Variants in VPS41 observed in about 807,000 individuals in gnomAD.
VPS41 encodes the protein vacuolar protein sorting-associated protein 41 homolog.
Under a neutral mutation model 130.9 loss-of-function variants are expected in VPS41, and 85 were observed. The observed-to-expected ratio is 0.65, with a 90% CI of 0.55 to 0.78. VPS41 has a LOEUF of 0.78. Ranked by LOEUF, VPS41 falls within the 30% of genes least tolerant of loss-of-function variation. The probability of loss-of-function intolerance (pLI) is 0.00; values close to 1 mark genes in which losing one functional copy is unlikely to be tolerated. For missense variants in VPS41, 874 were observed against 1,018.7 expected, an observed-to-expected ratio of 0.86 and a Z score of 1.93; for synonymous variants, 335 against 332.9, an observed-to-expected ratio of 1.01 and a Z score of -0.07.
At chr7:38,861,536 T>G (rs1465819369) in intron 4 of VPS41, among the ~76,000 whole-genome samples, 2 of 152,218 alleles carry the variant, frequency 1.3e-5, no homozygotes, top group Non-Finnish European at 2.9e-5. Context: ...CCTGTCTGTG[T>G]TGCTCCAAAG....
chr7:38,904,088 C>A (rs566166303), intron 1 of VPS41, among the ~76,000 whole-genome samples: 154 of 152,184 alleles, frequency 1.0e-3, no homozygotes, highest in African/African-American at 3.7e-3. Flanking sequence ...GAATCACAAG[C>A]CATTTTTAAC....
rs143445862 is a variant in VPS41, at chr7:38,881,191, G to T, written c.61-11938C>A. Among the ~76,000 whole-genome samples, 3 of 152,274 alleles carry T rather than the reference G, an allele frequency of 2.0e-5. No homozygotes were observed. The East Asian group carries it at 5.8e-4, about 29-fold the overall frequency. ...CTAAAATCAGGGTGTCAGTAGTGCT[G>T]CCCTCCCCTGGAAGCTGGGGGGAGA... On this transcript the variant is annotated intron_variant, in intron 2 of 28. Transcript: ENST00000310301.
intron 25 of VPS41, among the ~76,000 whole-genome samples, chr7:38,738,446 C>T (rs1167135116): frequency 6.6e-6 from 1 of 151,960 alleles, no homozygotes; most frequent in Non-Finnish European, 1.5e-5. Flanking sequence ...AAATGTTTGT[C>T]AAATAAAACC....
chr7:38,756,309 C>G (rs569057047), intron 19 of VPS41, among the ~76,000 whole-genome samples: 2 of 151,128 alleles, frequency 1.3e-5, no homozygotes, highest in African/African-American at 4.9e-5. Flanking sequence ...CATTAGGGGG[C>G]GTAAATTTAT....
In VPS41 at chr7:38,726,202, T is replaced by C. The variant is rs1795538246; in HGVS notation, c.*44A>G. 1.5e-6 allele frequency: 2 copies of C among 1,358,988 alleles called. No homozygotes were observed. The highest frequency in any genetic ancestry group is 2.9e-5 in the African/African-American group (2 of 69,906). 84.2% of individuals were successfully genotyped at this position (1,358,988 alleles called of 1,614,324 possible). On this transcript the variant is annotated 3_prime_UTR_variant, in exon 29 of 29. Transcript: ENST00000310301. ...AATGCTTTTGTTGTTGCAAAAACAG[T>C]CTCAAAAAGAGTGGTGACAAGGAGA...
intron 21 of VPS41, 40 bp downstream of exon 21, chr7:38,754,662 G>C (rs748433631): frequency 1.3e-6 from 2 of 1,567,448 alleles, no homozygotes; most frequent in East Asian, 4.5e-5. Context: ...TCACCCACTG[G>C]TCAATCAAAA....
chr7:38,746,344 G>A (rs1056365383), intron 22 of VPS41, among the ~76,000 whole-genome samples: 2 of 151,960 alleles, frequency 1.3e-5, no homozygotes, highest in African/African-American at 4.8e-5. Context: ...TCTCTGTGCT[G>A]GGTGCTAGAG....
intron 2 of VPS41, among the ~76,000 whole-genome samples, chr7:38,894,235 T>A (rs779263961): frequency 6.6e-6 from 1 of 152,124 alleles, no homozygotes; most frequent in Non-Finnish European, 1.5e-5. Context: ...TCTCAAAATA[T>A]CGCTCCTGGA....
At chr7:38,762,064 A>T (rs1309375750) in intron 17 of VPS41, among the ~76,000 whole-genome samples, 1 of 152,164 alleles carries the variant, frequency 6.6e-6, no homozygotes, top group East Asian at 1.9e-4. Context: ...CTTCGAACAC[A>T]AAATAAAGAC....
intron 7 of VPS41, among the ~76,000 whole-genome samples, chr7:38,803,775 C>T (rs532635613): frequency 1.3e-5 from 2 of 152,112 alleles, no homozygotes; most frequent in Non-Finnish European, 2.9e-5. Flanking sequence ...GGGTCTTGAA[C>T]CCTGAAGGAG....
chr7:38,828,881 C>A (rs1176106279), intron 5 of VPS41, among the ~76,000 whole-genome samples: 3 of 152,088 alleles, frequency 2.0e-5, no homozygotes, highest in African/African-American at 7.2e-5. Context: ...AATAACAATT[C>A]TTCAACATTT....
At chr7:38,843,643 C>T (rs952035455) in intron 4 of VPS41, among the ~76,000 whole-genome samples, 31 of 151,346 alleles carry the variant, frequency 2.0e-4, no homozygotes, top group Admixed American at 4.6e-4. Context: ...GATAGCACCA[C>T]TGCAGTCCGG....
chr7:38,821,688 C>G (rs1189142581), intron 5 of VPS41, among the ~76,000 whole-genome samples: 3 of 116,950 alleles, frequency 2.6e-5, no homozygotes, highest in Non-Finnish European at 4.9e-5. Context: ...GCATGGGTGA[C>G]AGAGTGAGAC....
chr7:38,732,405 C>T (rs923530637), intron 25 of VPS41, among the ~76,000 whole-genome samples: 3 of 152,066 alleles, frequency 2.0e-5, no homozygotes, highest in Admixed American at 6.6e-5. Flanking sequence ...TTTTATACTC[C>T]CACATATTAA....
At chr7:38,845,349 A>T (rs1389679732) in intron 4 of VPS41, among the ~76,000 whole-genome samples, 1 of 152,230 alleles carries the variant, frequency 6.6e-6, no homozygotes, top group African/African-American at 2.4e-5. Flanking sequence ...TGGTACACAA[A>T]ACAAATGTGA....
chr7:38,754,440 T>C (rs1251074751), intron 21 of VPS41, among the ~76,000 whole-genome samples: 1 of 152,176 alleles, frequency 6.6e-6, no homozygotes, highest in Non-Finnish European at 1.5e-5. Flanking sequence ...AGTAATATAA[T>C]AGATAGATTG....
At chr7:38,862,135 A>C (rs1786128419) in intron 4 of VPS41, among the ~76,000 whole-genome samples, 1 of 152,200 alleles carries the variant, frequency 6.6e-6, no homozygotes, top group Non-Finnish European at 1.5e-5. Flanking sequence ...TTATTCACTA[A>C]GAAAGCAGCA....
intron 1 of VPS41, among the ~76,000 whole-genome samples, chr7:38,904,487 T>TA (rs59691650): frequency 0.041 from 6,282 of 152,296 alleles, 324 homozygotes; most frequent in African/African-American, 0.12. Context: ...GCCTTTAAAA[T>TA]ATCTATCTTA....
At chr7:38,882,244 C>G (rs2116383968) in intron 2 of VPS41, among the ~76,000 whole-genome samples, 1 of 152,316 alleles carries the variant, frequency 6.6e-6, no homozygotes, top group Non-Finnish European at 1.5e-5. Flanking sequence ...CAGCATTTGA[C>G]ACAATGATGG....
Sources: allele counts gnomAD v4.1 joint callset (sites outside exome capture counted in the v4.1 genomes callset), GRCh38; gene constraint gnomAD v4.1.1; transcripts MANE v1.5; gene names NCBI Gene and HGNC (gene_info 2026-07-23, HGNC 2026-07-21).